The following XRN1 variants were observed in gnomAD, a reference collection of about 807,000 sequenced individuals.
XRN1 encodes strand-exchange protein 1 homolog.
A neutral mutation model predicts 222.3 loss-of-function variants in XRN1; 67 were observed. That is an observed-to-expected ratio of 0.30 (90% confidence interval 0.25 to 0.37). The LOEUF (loss-of-function observed/expected upper bound fraction) is 0.37. XRN1 is among the 10% of genes least tolerant of loss of function. The probability of loss-of-function intolerance (pLI) is 1.00; values close to 1 mark genes in which losing one functional copy is unlikely to be tolerated. For missense variants in XRN1, 1,707 were observed against 2,000.2 expected, an observed-to-expected ratio of 0.85 and a Z score of 2.80; for synonymous variants, 643 against 652.4, an observed-to-expected ratio of 0.99 and a Z score of 0.22.
intron 30 of XRN1, among the ~76,000 whole-genome samples, chr3:142,357,761 T>A (rs1330483262): frequency 6.6e-6 from 1 of 151,362 alleles, no homozygotes; most frequent in Non-Finnish European, 1.5e-5. Flanking sequence ...GCGGGCATGG[T>A]GGTTCATGCC....
chr3:142,427,474 T>C (rs2069307692), intron 2 of XRN1, among the ~76,000 whole-genome samples: 1 of 152,330 alleles, frequency 6.6e-6, no homozygotes, highest in South Asian at 2.1e-4. Context: ...AGTATAGCTT[T>C]AAATGTTCAT....
At chr3:142,320,461 G>T (rs2065322574) in intron 37 of XRN1, among the ~76,000 whole-genome samples, 1 of 152,142 alleles carries the variant, frequency 6.6e-6, no homozygotes, top group African/African-American at 2.4e-5. Context: ...ATAGATTCTG[G>T]ATATTTAGTC....
At chr3:142,442,834 C>T (rs1297073623) in intron 1 of XRN1, among the ~76,000 whole-genome samples, 1 of 151,938 alleles carries the variant, frequency 6.6e-6, no homozygotes, top group Non-Finnish European at 1.5e-5. Flanking sequence ...CCTGGGTTCA[C>T]GCCATTCTCC....
chr3:142,446,058 T>C (rs377757024), intron 1 of XRN1, among the ~76,000 whole-genome samples: 7 of 152,242 alleles, frequency 4.6e-5, no homozygotes, highest in African/African-American at 1.7e-4. Flanking sequence ...TTCATGGGGA[T>C]AGCATGTCAC....
At chr3:142,335,586 G>A in intron 33 of XRN1, 77 bp from the exon 34 acceptor site, 1 of 1,264,862 alleles carries the variant, frequency 7.9e-7, no homozygotes, top group Non-Finnish European at 1.1e-6. Flanking sequence ...ATTTATAATA[G>A]CAAGGCACTG....
At chr3:142,318,453 A>T (rs1490646489) in intron 39 of XRN1, 139 bp downstream of exon 39, 4 of 773,972 alleles carry the variant, frequency 5.2e-6, no homozygotes, top group Middle Eastern at 3.8e-4. Context: ...TTTTAGATGA[A>T]TCTGCAGGCT....
intron 19 of XRN1, among the ~76,000 whole-genome samples, chr3:142,399,287 G>A (rs1162925265): frequency 6.8e-6 from 1 of 147,428 alleles, no homozygotes; most frequent in South Asian, 2.1e-4. Context: ...ACTACCTGAT[G>A]TTAAGACCAT....
At chr3:142,429,057 C>T (rs2069394055) in intron 2 of XRN1, among the ~76,000 whole-genome samples, 1 of 151,588 alleles carries the variant, frequency 6.6e-6, no homozygotes, top group African/African-American at 2.4e-5. Context: ...AAGGGAGAAG[C>T]TCAAGAAAGA....
intron 3 of XRN1, 149 bp from the exon 4 acceptor site, chr3:142,425,687 C>T: frequency 1.6e-6 from 1 of 635,558 alleles, no homozygotes; most frequent in Non-Finnish European, 2.7e-6. Context: ...CTTGCTTATC[C>T]TGAAAAACAA....
chr3:142,381,870 T>C (rs937936500), intron 22 of XRN1, among the ~76,000 whole-genome samples: 1 of 152,092 alleles, frequency 6.6e-6, no homozygotes, highest in African/African-American at 2.4e-5. Flanking sequence ...CCAGCCAACA[T>C]TGACATTTTG....
At chr3:142,384,805 T>G (rs1350389952) in intron 20 of XRN1, 120 bp from the exon 21 acceptor site, 1 of 750,598 alleles carries the variant, frequency 1.3e-6, no homozygotes, top group Non-Finnish European at 2.0e-6. Flanking sequence ...AAACTTTAAA[T>G]AAATACGCTA....
At chr3:142,435,775 A>T (rs2108182910) in intron 1 of XRN1, among the ~76,000 whole-genome samples, 1 of 150,504 alleles carries the variant, frequency 6.6e-6, no homozygotes, top group African/African-American at 2.5e-5. Flanking sequence ...AAAAAAAAAA[A>T]AAAAAAGGCC....
At chr3:142,446,088 T>A (rs896921640) in intron 1 of XRN1, among the ~76,000 whole-genome samples, 1 of 152,234 alleles carries the variant, frequency 6.6e-6, no homozygotes, top group Non-Finnish European at 1.5e-5. Context: ...TGTAATTGTT[T>A]TATGGATTTT....
intron 8 of XRN1, 68 bp downstream of exon 8, chr3:142,422,512 TAA>T (rs2069077770): frequency 6.7e-7 from 1 of 1,490,594 alleles, no homozygotes. Context: ...TCTACTAAAC[TAA>T]GTCACATTTT....
intron 36 of XRN1, 41 bp from the exon 37 acceptor site, chr3:142,329,656 T>C: frequency 6.6e-7 from 1 of 1,506,014 alleles, no homozygotes; most frequent in Non-Finnish European, 8.8e-7. Context: ...ATTAATAAAA[T>C]ACTATCTCAA....
In XRN1 at chr3:142,318,905, TAA is replaced by T; in HGVS notation, c.4405-4_4405-3del. The T allele has an allele frequency of 2.5e-6, 4 of 1,610,728 alleles. No homozygotes were observed. The highest frequency in any genetic ancestry group is 3.4e-6 in the Non-Finnish European group (4 of 1,177,818). ...TTTTACTTGGCAAACGGTCATTGTC[TAA>T]AAAAAGAGAATATATATGTCTATGA... On this transcript the variant is annotated splice_region_variant and splice_polypyrimidine_tract_variant and intron_variant, in intron 37 of 40. Transcript: ENST00000392981.
At chr3:142,362,507 A>G (rs2066672565) in intron 29 of XRN1, among the ~76,000 whole-genome samples, 1 of 151,814 alleles carries the variant, frequency 6.6e-6, no homozygotes, top group East Asian at 1.9e-4. Flanking sequence ...TCCTGACTTC[A>G]AGTGATCCAC....
chr3:142,384,727 AT>A, intron 20 of XRN1, 42 bp from the exon 21 acceptor site: 1 of 1,414,766 alleles, frequency 7.1e-7, no homozygotes, highest in East Asian at 2.4e-5. Flanking sequence ...ATGAATGAGT[AT>A]GCAGATATTC....
rs149234788 is a variant in XRN1, at chr3:142,329,863, G to A, written c.4223-248C>T. On this transcript the variant is annotated intron_variant, in intron 36 of 40. Transcript: ENST00000392981. Reference sequence around the variant, plus strand: ...TTACCTTCAGTGGTCCTCTGGCCACGCACCTTATAAATTTGGTCGAAAACC... The same window carrying A: ...TTACCTTCAGTGGTCCTCTGGCCACACACCTTATAAATTTGGTCGAAAACC... Among the ~76,000 whole-genome samples, 1,344 of 152,184 alleles carry A rather than the reference G, an allele frequency of 8.8e-3. 7 individuals are homozygous for A. Among genetic ancestry groups the A allele is most frequent in the Non-Finnish European group, 0.014 (941 of 68,008 alleles).
Sources: gnomAD v4.1 joint callset for allele counts (sites outside exome capture counted in the v4.1 genomes callset) on GRCh38, gnomAD v4.1.1 for gene constraint, MANE v1.5 for transcripts, NCBI Gene and HGNC (gene_info 2026-07-23, HGNC 2026-07-21) for gene names.